CDH3: variants seen among roughly 807,000 people sequenced by gnomAD.
CDH3 encodes cadherin-3.
In CDH3, 54 loss-of-function variants were observed where a neutral mutation model predicts 82.0. The observed-to-expected ratio is 0.66, with a 90% CI of 0.53 to 0.83. The LOEUF is 0.83. Ranked by LOEUF, CDH3 falls within the 40% of genes least tolerant of loss-of-function variation. CDH3 has a pLI of 0.00. For missense variants in CDH3, 1,054 were observed against 1,084.6 expected (o/e 0.97, Z 0.40); for synonymous variants, 446 against 437.9 (o/e 1.02, Z -0.23).
At chr16:68,728,319 C>T (rs1010923478), downstream of CDH3, among the ~76,000 whole-genome samples, 9 of 152,126 alleles carry the variant, frequency 5.9e-5, no homozygotes, top group Non-Finnish European at 1.0e-4. Context: ...GCGCCCGCCA[C>T]CACGCCCAGC....
At chr16:68,654,711 A>ATATAT (rs921226592) in intron 2 of CDH3, among the ~76,000 whole-genome samples, 124 of 132,328 alleles carry the variant, frequency 9.4e-4, no homozygotes, top group Admixed American at 2.7e-3. Context: ...TCAAAAAAAA[A>ATATAT]AAATATATAT....
chr16:68,727,430 A>G (rs2152111945), exon 3 of CDH3, among the ~76,000 whole-genome samples: 1 of 152,072 alleles, frequency 6.6e-6, no homozygotes, highest in African/African-American at 2.4e-5. Context: ...TCTTGGGAGA[A>G]CCCTGACTAA....
At chr16:68,659,973 G>A (rs1190744033) in intron 2 of CDH3, among the ~76,000 whole-genome samples, 1 of 152,054 alleles carries the variant, frequency 6.6e-6, no homozygotes, top group Non-Finnish European at 1.5e-5. Flanking sequence ...TTTTAATAGC[G>A]CCGTAGTCTT....
At chr16:68,708,487 G>T (rs62057805) in intron 1 of CDH3, among the ~76,000 whole-genome samples, 1 of 151,810 alleles carries the variant, frequency 6.6e-6, no homozygotes, top group Non-Finnish European at 1.5e-5. Flanking sequence ...GATTTCTCTC[G>T]GCTCCCTCAC....
intron 3 of CDH3, among the ~76,000 whole-genome samples, chr16:68,677,692 C>T (rs558551571): frequency 2.6e-5 from 4 of 152,144 alleles, no homozygotes; most frequent in East Asian, 1.9e-4. Flanking sequence ...GAGCTGAGAT[C>T]GTGCCACTGC....
intron 1 of CDH3, among the ~76,000 whole-genome samples, chr16:68,713,520 T>C (rs528591596): frequency 5.3e-4 from 80 of 152,032 alleles, no homozygotes; most frequent in African/African-American, 1.9e-3. Context: ...AACCCCCAGA[T>C]TTCTTGTTGA....
intron 2 of CDH3, among the ~76,000 whole-genome samples, chr16:68,668,994 A>G (rs767829494): frequency 1.3e-5 from 2 of 152,216 alleles, no homozygotes; most frequent in Admixed American, 6.5e-5. Flanking sequence ...CTGAGCTTCT[A>G]TATAATCATA....
At chr16:68,697,132 G>A (rs1961750890) in intron 15 of CDH3, among the ~76,000 whole-genome samples, 1 of 151,594 alleles carries the variant, frequency 6.6e-6, no homozygotes. Context: ...AGACTATCCT[G>A]GCCAACATGG....
intron 2 of CDH3, among the ~76,000 whole-genome samples, chr16:68,725,138 C>T (rs1962205474): frequency 6.6e-6 from 1 of 152,136 alleles, no homozygotes; most frequent in Non-Finnish European, 1.5e-5. Flanking sequence ...TGGGAGGACA[C>T]CCAGTCAGCC....
At chr16:68,725,262 A>T (rs762750112) in intron 2 of CDH3, among the ~76,000 whole-genome samples, 1 of 151,986 alleles carries the variant, frequency 6.6e-6, no homozygotes, top group Non-Finnish European at 1.5e-5. Context: ...CCCCTGAGTA[A>T]TGTGGAATAT....
downstream of CDH3, among the ~76,000 whole-genome samples, chr16:68,730,458 G>A (rs1285434078): frequency 2.6e-5 from 4 of 152,004 alleles, no homozygotes; most frequent in Non-Finnish European, 4.4e-5. Flanking sequence ...CCCAGGAGAC[G>A]GAAGTTGCGT....
intron 12 of CDH3, among the ~76,000 whole-genome samples, chr16:68,688,463 C>T (rs914358718): frequency 3.3e-5 from 5 of 152,068 alleles, no homozygotes; most frequent in African/African-American, 9.7e-5. Flanking sequence ...TGGCATGTGC[C>T]CGTAGTCCCA....
Position 68,677,000 on chromosome 16 carries a change from C to T in CDH3, c.246+530C>T, listed in dbSNP as rs1187099638. On this transcript the variant is annotated intron_variant, in intron 3 of 15. Coordinates refer to ENST00000264012, the MANE Select transcript of CDH3 (RefSeq NM_001793.6). ...GCCCAAAGCCCCCTTCACCCCTTCA[C>T]GCAGTTAACCACTGTTCCCAGTTTC... Among the ~76,000 whole-genome samples, 5 of 152,302 alleles carry T rather than the reference C, an allele frequency of 3.3e-5. No homozygotes were observed. In the South Asian group the frequency reaches 6.2e-4, roughly 19 times the overall value.
downstream of CDH3, among the ~76,000 whole-genome samples, chr16:68,702,716 T>C (rs1961911616): frequency 6.6e-6 from 1 of 152,052 alleles, no homozygotes; most frequent in South Asian, 2.1e-4. Context: ...AATATAAAAA[T>C]TAGCCGGGTG....
downstream of CDH3, among the ~76,000 whole-genome samples, chr16:68,703,783 C>G (rs1312383047): frequency 1.3e-5 from 2 of 151,582 alleles, no homozygotes; most frequent in Non-Finnish European, 2.9e-5. Flanking sequence ...CCCATCTCTA[C>G]TAAAAATTTA....
chr16:68,687,539 C>T lies in CDH3; in HGVS notation c.1598C>T (p.Thr533Ile). ...AGCCCTCCCACCACTGGCACGGGAA[C>T]CCTTCTGCTAACACTGATTGATGTC... ...NGSPPTTGTG[T>I]LLLTLIDVND... The change falls in exon 12 of 16, where the codon ACC becomes ATC. Residue 533 changes from threonine to isoleucine, a missense_variant. Coordinates refer to ENST00000264012, the MANE Select transcript of CDH3 (RefSeq NM_001793.6). 1 of 1,614,138 alleles carries T rather than the reference C, an allele frequency of 6.2e-7. No homozygotes were observed.
chr16:68,733,698 C>T, the CDH3 span, among the ~76,000 whole-genome samples: 4 of 152,270 alleles, frequency 2.6e-5, no homozygotes, highest in African/African-American at 7.2e-5. Flanking sequence ...GCCGAGATCG[C>T]GCCATTGCAC....
downstream of CDH3, among the ~76,000 whole-genome samples, chr16:68,700,675 G>A (rs1961880682): frequency 6.6e-6 from 1 of 152,096 alleles, no homozygotes; most frequent in South Asian, 2.1e-4. Flanking sequence ...CACCGTGCCC[G>A]GCCTACACAC....
At chr16:68,692,166 T>C (rs1410076402) in intron 13 of CDH3, among the ~76,000 whole-genome samples, 1 of 152,106 alleles carries the variant, frequency 6.6e-6, no homozygotes, top group South Asian at 2.1e-4. Context: ...CCTCCCAAGT[T>C]CCTGGGACTA....
Sources: allele counts gnomAD v4.1 joint callset (sites outside exome capture counted in the v4.1 genomes callset), GRCh38; gene constraint gnomAD v4.1.1; transcripts MANE v1.5; gene names NCBI Gene and HGNC (gene_info 2026-07-23, HGNC 2026-07-21).